POLR1H: variants seen among roughly 807,000 people sequenced by gnomAD.
POLR1H encodes RNA polymerase I subunit H, also known as DNA-directed RNA polymerase I subunit RPA12.
Under a neutral mutation model 15.8 loss-of-function variants are expected in POLR1H, and 5 were observed. That is an observed-to-expected ratio of 0.32 (90% CI 0.17 to 0.67). The LOEUF (loss-of-function observed/expected upper bound fraction) is 0.67, where lower values mean the gene tolerates loss of function less well. Among genes scored for constraint, POLR1H ranks in the 30% least tolerant of loss-of-function variants. The probability of loss-of-function intolerance (pLI) is 0.74; values close to 1 mark genes in which losing one functional copy is unlikely to be tolerated. For synonymous variants in POLR1H, 43 were observed against 58.3 expected, an observed-to-expected ratio of 0.74 and a Z score of 1.20; for missense variants, 100 against 163.4, an observed-to-expected ratio of 0.61 and a Z score of 2.11.
chr6:30,062,141 C>T, intron 2 of POLR1H, 83 bp from the exon 3 acceptor site: 1 of 1,445,276 alleles, frequency 6.9e-7, no homozygotes, highest in African/African-American at 1.4e-5. Context: ...AAACCATCGA[C>T]GTTTGAGAGG....
Position 30,061,815 on chromosome 6 carries a change from G to A in POLR1H, c.146-102G>A. 6.5e-7 allele frequency: 1 copy of A among 1,546,162 alleles called. No individual in the cohort carries two copies. Among genetic ancestry groups the A allele is most frequent in the Non-Finnish European group, 8.9e-7 (1 of 1,129,930 alleles). ...GTCTAGCGATGAAAACTGAGGGAAA[G>A]GATGTAGGGCCTCCTGGCCTAACCA... On this transcript the variant is annotated intron_variant, in intron 1 of 3. Transcript: ENST00000332435. This position sits in a 1 kb window ranked among gnomAD's most constrained non-coding sequence, Gnocchi z 5.0.
At position 30,061,856 on chromosome 6, in the gene POLR1H, A is replaced by G. The variant is rs373527540; in HGVS notation, c.146-61A>G. Reference sequence around the variant, plus strand: ...GGCCTAACCAGCCAGGGGAAAGGGGAGGTTTCCGGTGTCAGCTCTCTCTGG... The same window carrying G: ...GGCCTAACCAGCCAGGGGAAAGGGGGGGTTTCCGGTGTCAGCTCTCTCTGG... On this transcript the variant is annotated intron_variant, in intron 1 of 3. Coordinates refer to ENST00000332435, the MANE Select transcript of POLR1H (RefSeq NM_170783.4). This position sits in a 1 kb window ranked among gnomAD's most constrained non-coding sequence, Gnocchi z 5.0. 7.1e-5 allele frequency: 112 copies of G among 1,581,682 alleles called. No homozygotes were observed. In the East Asian group the frequency reaches 1.8e-3, roughly 25 times the overall value.
At chr6:30,060,294 T>C (rs958128370), upstream of POLR1H, 1 of 152,250 alleles carries the variant, frequency 6.6e-6, no homozygotes, top group Non-Finnish European at 1.5e-5. Context: ...GTGGGAGGGC[T>C]AGCAGGAAAC....
rs772677373 is a variant in POLR1H, at chr6:30,062,206, C to T, written c.247-18C>T. The T allele has an allele frequency of 5.6e-6, 9 of 1,601,586 alleles. No homozygotes were observed. The highest frequency in any genetic ancestry group is 3.3e-5 in the Admixed American group (2 of 59,990). ...GGGGATATGACCAGGCCTCCCTAAC[C>T]CACCAGTTTCTTCCCAGGTTGACAG... is the stretch of plus-strand genomic sequence containing the variant. On this transcript the variant is annotated intron_variant, in intron 2 of 3. Transcript: ENST00000332435.
chr6:30,062,430 C>A, intron 3 of POLR1H, 97 bp downstream of exon 3: 2 of 788,446 alleles, frequency 2.5e-6, no homozygotes, highest in Non-Finnish European at 4.3e-6. Context: ...TCCCTTGGTC[C>A]CATCCCTTAT....
Position 30,063,862 on chromosome 6 carries a change from G to T in POLR1H, c.357-811G>T, listed in dbSNP as rs1765305913. Among the ~76,000 whole-genome samples the T allele has an allele frequency of 6.6e-6, 1 of 152,188 alleles. No individual in the cohort carries two copies. The highest frequency in any genetic ancestry group is 6.5e-5 in the Admixed American group (1 of 15,276). ...GTATGAATTTGAGCTGCAAATCCAT[G>T]TAAGGGCTAGCTTACAGTTAGAAAT... On this transcript the variant is annotated intron_variant, in intron 3 of 3. Coordinates refer to ENST00000332435, the MANE Select transcript of POLR1H (RefSeq NM_170783.4). The surrounding 1 kb of genome is among the most constrained non-coding windows in gnomAD (Gnocchi z 4.1).
chr6:30,062,697 C>T (rs1765193238), intron 3 of POLR1H, among the ~76,000 whole-genome samples: 1 of 137,238 alleles, frequency 7.3e-6, no homozygotes, highest in Non-Finnish European at 1.5e-5. Flanking sequence ...ACCACAGACA[C>T]ATGCCACCAC....
chr6:30,063,582 C>T lies in POLR1H; in HGVS notation c.357-1091C>T, dbSNP rs1765283840. Among the ~76,000 whole-genome samples, 1 of 151,662 alleles carries T rather than the reference C, an allele frequency of 6.6e-6. No homozygotes were observed. The highest frequency in any genetic ancestry group is 2.4e-5 in the African/African-American group (1 of 41,286). On this transcript the variant is annotated intron_variant, in intron 3 of 3. Coordinates refer to ENST00000332435, the MANE Select transcript of POLR1H (RefSeq NM_170783.4). This position sits in a 1 kb window ranked among gnomAD's most constrained non-coding sequence, Gnocchi z 4.1. ...ATTCTATGTCTTATAATTCTGATAT[C>T]TGCGGATTTTGTGTGTCTGATGCTG...
Position 30,062,204 on chromosome 6 carries a change from A to G in POLR1H, c.247-20A>G. On this transcript the variant is annotated intron_variant, in intron 2 of 3. Transcript: ENST00000332435. ...AAGGGGATATGACCAGGCCTCCCTA[A>G]CCCACCAGTTTCTTCCCAGGTTGAC... 1.3e-6 allele frequency: 2 copies of G among 1,598,956 alleles called. No individual in the cohort carries two copies. Among genetic ancestry groups the G allele is most frequent in the Non-Finnish European group, 1.7e-6 (2 of 1,167,116 alleles).
At chr6:30,060,839 A>G (rs569341833), upstream of POLR1H, 33 of 152,350 alleles carry the variant, frequency 2.2e-4, no homozygotes, top group African/African-American at 7.7e-4. Flanking sequence ...CGCTAGAACT[A>G]TACGTCCCAG....
chr6:30,062,412 T>C (rs9261271), intron 3 of POLR1H, 79 bp downstream of exon 3: 1 of 974,006 alleles, frequency 1.0e-6, no homozygotes, highest in Non-Finnish European at 1.6e-6. Context: ...TTGTACGAAA[T>C]GGCCGTTTCC....
chr6:30,062,096 G>A, intron 2 of POLR1H, 79 bp downstream of exon 2: 1 of 1,496,104 alleles, frequency 6.7e-7, no homozygotes, highest in Non-Finnish European at 9.3e-7. Flanking sequence ...GCTCTGGAGA[G>A]TTTTGTGCCC....
Position 30,064,754 on chromosome 6 carries a change from G to A in POLR1H, c.*57G>A. 1 of 1,527,632 alleles carries A rather than the reference G, an allele frequency of 6.5e-7. No homozygotes were observed. 94.6% of individuals were successfully genotyped at this position (1,527,632 alleles called of 1,614,324 possible). ...CTCCTTTCGGAAGGTGAAGGATACT[G>A]GGTTTTTAGATGCCTTGTCCATCCT... On this transcript the variant is annotated 3_prime_UTR_variant, in exon 4 of 4. Transcript: ENST00000332435.
chr6:30,062,900 A>AG (rs1765226922), intron 3 of POLR1H, among the ~76,000 whole-genome samples: 1 of 147,236 alleles, frequency 6.8e-6, no homozygotes, highest in East Asian at 1.9e-4. Flanking sequence ...AAGGAAATGA[A>AG]GAAAAAAAAA....
chr6:30,063,661 A>G lies in POLR1H; in HGVS notation c.357-1012A>G, dbSNP rs1765289320. ...TAGTGCTTTTTTTCTTTGTTTTGTG[A>G]TTTTTGACTATAAATTCGAGTTTTT... On this transcript the variant is annotated intron_variant, in intron 3 of 3. Coordinates refer to ENST00000332435, the MANE Select transcript of POLR1H (RefSeq NM_170783.4). The surrounding 1 kb of genome is among the most constrained non-coding windows in gnomAD (Gnocchi z 4.1). 6.7e-6 allele frequency among the ~76,000 whole-genome samples: 1 copy of G among 150,128 alleles called. No homozygotes were observed. The highest frequency in any genetic ancestry group is 2.5e-5 in the African/African-American group (1 of 40,650).
At chr6:30,060,700 T>TGTCC (rs1561956846), upstream of POLR1H, 7 of 152,222 alleles carry the variant, frequency 4.6e-5, no homozygotes, top group African/African-American at 1.7e-4. Context: ...TCCTCGGGCC[T>TGTCC]TCACTCTCAC....
upstream of POLR1H, chr6:30,061,215 G>T (rs1765018719): frequency 6.3e-6 from 2 of 319,190 alleles, no homozygotes; most frequent in Non-Finnish European, 1.1e-5. The surrounding 1 kb of genome is among the most constrained non-coding windows in gnomAD (Gnocchi z 5.0). Context: ...TCGTCAACGC[G>T]AAAGCCTGAC....
intron 3 of POLR1H, among the ~76,000 whole-genome samples, chr6:30,062,581 C>T (rs916369005): frequency 1.3e-4 from 15 of 115,564 alleles, no homozygotes; most frequent in Non-Finnish European, 2.1e-4. Flanking sequence ...GACAGGGTGT[C>T]GCTCTGTCAC....
chr6:30,064,604 C>A, intron 3 of POLR1H, 69 bp from the exon 4 acceptor site: 1 of 1,408,252 alleles, frequency 7.1e-7, no homozygotes, highest in Non-Finnish European at 9.8e-7. Flanking sequence ...TATTTGATTG[C>A]ATATCTTATC....
Sources: gnomAD v4.1 joint callset for allele counts (sites outside exome capture counted in the v4.1 genomes callset) on GRCh38, gnomAD v4.1.1 for gene constraint, Gnocchi (gnomAD v3.1) non-coding constraint, MANE v1.5 for transcripts, NCBI Gene and HGNC (gene_info 2026-07-23, HGNC 2026-07-21) for gene names.